The following TRPM3 variants were observed in gnomAD, a reference collection of about 807,000 sequenced individuals.
TRPM3 encodes long transient receptor potential channel 3.
A neutral mutation model predicts 181.2 loss-of-function variants in TRPM3; 77 were observed. The observed-to-expected ratio is 0.42, with a 90% confidence interval of 0.35 to 0.51. TRPM3 has a LOEUF of 0.51. Ranked by LOEUF, TRPM3 falls within the 20% of genes least tolerant of loss-of-function variation. The pLI is 0.01. For missense variants in TRPM3, 1,759 were observed against 2,196.7 expected (o/e 0.80, Z 3.98); for synonymous variants, 745 against 796.4 (o/e 0.94, Z 1.09).
intron 1 of TRPM3, among the ~76,000 whole-genome samples, chr9:70,983,060 T>A (rs1178289812): frequency 6.6e-6 from 1 of 152,146 alleles, no homozygotes; most frequent in Non-Finnish European, 1.5e-5. Context: ...CCCGTGAGTC[T>A]GTAATCTGTG....
At chr9:71,342,130 TG>T (rs1360871868) in intron 1 of TRPM3, among the ~76,000 whole-genome samples, 7 of 150,938 alleles carry the variant, frequency 4.6e-5, no homozygotes, top group Non-Finnish European at 1.0e-4. Flanking sequence ...GGCCAGGCTG[TG>T]GGGAAACAGA....
rs79957742 is a variant in TRPM3, at chr9:71,327,765, G to T, written c.183+118888C>A. The stretch of plus-strand genomic sequence containing the variant: ...GTCAACTTTTCTTCTGAAGCAATCT[G>T]TGCCTGCTAACATCTTCCTGAGAGG... On this transcript the variant is annotated intron_variant, in intron 1 of 24. Transcript: ENST00000357533. 7.9e-4 allele frequency among the ~76,000 whole-genome samples: 120 copies of T among 152,284 alleles called. 1 individual carries two copies. The East Asian group carries it at 0.023, about 29-fold the overall frequency.
In TRPM3 at chr9:70,926,357, T is replaced by C. The variant is rs117568794; in HGVS notation, c.178-61846A>G. On this transcript the variant is annotated intron_variant, in intron 1 of 25. Coordinates refer to ENST00000677713, the MANE Select transcript of TRPM3 (RefSeq NM_001366145.2). ...TTATCTGTGAAGTTATCTGTATTTA[T>C]CTGTAAAAATTTGTGGCCATATAAT... Among the ~76,000 whole-genome samples the C allele has an allele frequency of 4.6e-4, 70 of 152,322 alleles. 1 individual carries two copies. The East Asian group carries it at 0.01, about 22-fold the overall frequency.
At chr9:71,091,667 CT>C (rs2066245180) in intron 1 of TRPM3, among the ~76,000 whole-genome samples, 3 of 152,108 alleles carry the variant, frequency 2.0e-5, no homozygotes, top group Non-Finnish European at 4.4e-5. Flanking sequence ...CAATAAATTT[CT>C]TCTGTGATTT....
chr9:70,793,225 G>A (rs149045622), intron 6 of TRPM3, among the ~76,000 whole-genome samples: 14 of 152,088 alleles, frequency 9.2e-5, no homozygotes, highest in East Asian at 1.9e-4. Context: ...AGACCGAGGC[G>A]GGAGGATCAT....
rs145406080 is a variant in TRPM3 at position 70,820,608 on chromosome 9, T to C, written c.973+7239A>G. On this transcript the variant is annotated intron_variant, in intron 6 of 25. Coordinates refer to ENST00000677713, the MANE Select transcript of TRPM3 (RefSeq NM_001366145.2). ...GGTCCAAGTCTCAGGTTGGAACCTATGGCAGTGAGGCTGTGTAGACATGGC... is the reference window on the plus strand; with the variant it reads ...GGTCCAAGTCTCAGGTTGGAACCTACGGCAGTGAGGCTGTGTAGACATGGC... 4.6e-5 allele frequency among the ~76,000 whole-genome samples: 7 copies of C among 152,274 alleles called. No homozygotes were observed. In the East Asian group the frequency reaches 1.4e-3, roughly 29 times the overall value.
intron 1 of TRPM3, among the ~76,000 whole-genome samples, chr9:71,006,744 A>G (rs1291424706): frequency 6.6e-6 from 1 of 151,008 alleles, no homozygotes; most frequent in East Asian, 2.0e-4. Flanking sequence ...GGTGGCGGGC[A>G]CCTGTAGTCC....
At chr9:71,221,285 G>A (rs2080224849) in intron 1 of TRPM3, among the ~76,000 whole-genome samples, 1 of 152,112 alleles carries the variant, frequency 6.6e-6, no homozygotes, top group Admixed American at 6.6e-5. Flanking sequence ...GACATTTACT[G>A]GAAAAGTTTG....
At chr9:71,329,821 A>G (rs1028467870) in intron 1 of TRPM3, among the ~76,000 whole-genome samples, 34 of 152,132 alleles carry the variant, frequency 2.2e-4, no homozygotes, top group African/African-American at 7.5e-4. Flanking sequence ...TGATTCTGAA[A>G]TTCTATTAAA....
chr9:71,260,340 C>T (rs1256487667), intron 1 of TRPM3, among the ~76,000 whole-genome samples: 1 of 152,200 alleles, frequency 6.6e-6, no homozygotes, highest in East Asian at 1.9e-4. Context: ...GTTCTTCTTG[C>T]TTAGGATTTT....
intron 5 of TRPM3, among the ~76,000 whole-genome samples, chr9:70,837,356 CA>C (rs1360280678): frequency 2.6e-5 from 4 of 152,214 alleles, no homozygotes; most frequent in East Asian, 1.9e-4. Context: ...AGAACCCTTA[CA>C]GGCTATAAAA....
intron 8 of TRPM3, among the ~76,000 whole-genome samples, chr9:70,698,634 A>G (rs10124821): frequency 6.6e-6 from 1 of 151,914 alleles, no homozygotes; most frequent in African/African-American, 2.4e-5. Context: ...TGTCCCCACC[A>G]AAATCTCATG....
intron 1 of TRPM3, among the ~76,000 whole-genome samples, chr9:71,411,747 C>T (rs2093553681): frequency 6.6e-6 from 1 of 152,144 alleles, no homozygotes. Flanking sequence ...GAAAAAACTA[C>T]TTTGAATTTC....
intron 1 of TRPM3, among the ~76,000 whole-genome samples, chr9:71,274,091 C>T (rs779089765): frequency 2.0e-5 from 3 of 152,174 alleles, no homozygotes; most frequent in Non-Finnish European, 2.9e-5. Context: ...ATGAGTTATC[C>T]ATCTCCCTTA....
intron 1 of TRPM3, among the ~76,000 whole-genome samples, chr9:71,046,414 T>C (rs2059446822): frequency 6.6e-6 from 1 of 152,220 alleles, no homozygotes; most frequent in Non-Finnish European, 1.5e-5. Context: ...TGTGAACTTT[T>C]AAATAAGTAA....
chr9:71,202,752 A>C (rs1037058667), intron 1 of TRPM3, among the ~76,000 whole-genome samples: 1 of 152,158 alleles, frequency 6.6e-6, no homozygotes, highest in Non-Finnish European at 1.5e-5. Context: ...CTGAATGCCA[A>C]CTATGTCACT....
At chr9:70,829,298 A>G (rs1159992114) in intron 5 of TRPM3, among the ~76,000 whole-genome samples, 1 of 152,218 alleles carries the variant, frequency 6.6e-6, no homozygotes, top group African/African-American at 2.4e-5. Flanking sequence ...TGAAGAACTC[A>G]TGTAAGTCAT....
intron 1 of TRPM3, among the ~76,000 whole-genome samples, chr9:71,317,746 A>G (rs1192051231): frequency 6.6e-6 from 1 of 152,080 alleles, no homozygotes; most frequent in East Asian, 1.9e-4. Context: ...TTTTCATTCT[A>G]CTTACATTTT....
chr9:70,952,251 A>C (rs140699274), intron 1 of TRPM3, among the ~76,000 whole-genome samples: 15 of 152,310 alleles, frequency 9.8e-5, no homozygotes, highest in Non-Finnish European at 2.1e-4. Context: ...TGATCTTGCT[A>C]CTATAACTGC....
Sources: allele counts gnomAD v4.1 joint callset (sites outside exome capture counted in the v4.1 genomes callset), GRCh38; gene constraint gnomAD v4.1.1; transcripts MANE v1.5; gene names NCBI Gene and HGNC (gene_info 2026-07-23, HGNC 2026-07-21).